Variants in PTPRD observed in about 807,000 individuals in gnomAD.
The protein encoded by PTPRD is receptor-type tyrosine-protein phosphatase delta.
PTPRD carries 34 observed loss-of-function variants against 214.5 expected under a neutral mutation model. The observed-to-expected ratio is 0.16, with a 90% confidence interval of 0.12 to 0.21. PTPRD has a LOEUF of 0.21. Among genes scored for constraint, PTPRD ranks in the 10% least tolerant of loss-of-function variants. The pLI, the probability that PTPRD is intolerant of heterozygous loss-of-function variation, is 1.00. For missense variants in PTPRD, 2,545 were observed against 2,398.7 expected, an observed-to-expected ratio of 1.06 and a Z score of -1.27; for synonymous variants, 1,128 against 845.7, an observed-to-expected ratio of 1.33 and a Z score of -5.79.
At chr9:9,075,745 C>CT (rs1345764299) in intron 10 of PTPRD, among the ~76,000 whole-genome samples, 3 of 152,072 alleles carry the variant, frequency 2.0e-5, no homozygotes, top group Non-Finnish European at 4.4e-5. Flanking sequence ...TGAACTCATC[C>CT]TTTTTTATGG....
At chr9:10,037,476 C>T (rs192524164) in intron 3 of PTPRD, among the ~76,000 whole-genome samples, 1 of 151,790 alleles carries the variant, frequency 6.6e-6, no homozygotes, top group African/African-American at 2.4e-5. Flanking sequence ...TAAAAGCTCC[C>T]TGAGGGCTCC....
At chr9:10,582,579 TATCTGGGATGACTAGCC>T (rs1194542488) in intron 2 of PTPRD, among the ~76,000 whole-genome samples, 1 of 152,210 alleles carries the variant, frequency 6.6e-6, no homozygotes, top group Non-Finnish European at 1.5e-5. Context: ...CTCTACTACA[TATCTGGGATGACTAGCC>T]ATCTAACCTT....
At chr9:9,740,796 G>A (rs1420698641) in intron 6 of PTPRD, among the ~76,000 whole-genome samples, 1 of 151,934 alleles carries the variant, frequency 6.6e-6, no homozygotes, top group African/African-American at 2.4e-5. Context: ...GTAAATTCTC[G>A]GGCTGTAAAC....
chr9:8,864,578 C>T (rs1050815925), intron 11 of PTPRD, among the ~76,000 whole-genome samples: 2 of 152,186 alleles, frequency 1.3e-5, no homozygotes, highest in South Asian at 4.1e-4. Flanking sequence ...AAGGTTCTTT[C>T]TAACAGGGTT....
chr9:9,611,336 G>A (rs2094501053), intron 7 of PTPRD, among the ~76,000 whole-genome samples: 1 of 152,058 alleles, frequency 6.6e-6, no homozygotes, highest in Non-Finnish European at 1.5e-5. Flanking sequence ...ATCTCCACCA[G>A]CAGTGAATGA....
chr9:10,139,540 T>C (rs1416992538), intron 3 of PTPRD, among the ~76,000 whole-genome samples: 1 of 151,964 alleles, frequency 6.6e-6, no homozygotes, highest in Non-Finnish European at 1.5e-5. Flanking sequence ...ATAAAATTCA[T>C]ATGGAACCAA....
intron 10 of PTPRD, among the ~76,000 whole-genome samples, chr9:9,106,983 C>T (rs1341533321): frequency 6.6e-6 from 1 of 152,168 alleles, no homozygotes; most frequent in East Asian, 1.9e-4. Flanking sequence ...CATTTTAAAA[C>T]TTCTAATCTG....
intron 2 of PTPRD, among the ~76,000 whole-genome samples, chr9:10,349,439 T>A (rs1286352621): frequency 2.6e-5 from 4 of 152,166 alleles, no homozygotes; most frequent in Non-Finnish European, 5.9e-5. Flanking sequence ...TGGCCTATGT[T>A]CCCATCTGTC....
At chr9:8,896,188 T>C (rs2154246894) in intron 11 of PTPRD, among the ~76,000 whole-genome samples, 1 of 152,338 alleles carries the variant, frequency 6.6e-6, no homozygotes, top group East Asian at 1.9e-4. Context: ...ATGCAGACTA[T>C]ATTGCACGGA....
intron 4 of PTPRD, among the ~76,000 whole-genome samples, chr9:9,943,241 CAA>C (rs2091944234): frequency 6.6e-6 from 1 of 152,134 alleles, no homozygotes; most frequent in Non-Finnish European, 1.5e-5. Context: ...CTAGTTGTTA[CAA>C]AAGATGGCCT....
chr9:8,720,591 T>C (rs908000600), intron 12 of PTPRD, among the ~76,000 whole-genome samples: 2 of 152,064 alleles, frequency 1.3e-5, no homozygotes, highest in South Asian at 2.1e-4. Context: ...TATAATCAAA[T>C]TGACAAATAA....
chr9:10,077,575 A>G (rs2098153933), intron 3 of PTPRD, among the ~76,000 whole-genome samples: 1 of 152,120 alleles, frequency 6.6e-6, no homozygotes, highest in East Asian at 1.9e-4. Flanking sequence ...GGTTTGGTGT[A>G]CAGATTATTT....
intron 7 of PTPRD, among the ~76,000 whole-genome samples, chr9:9,575,287 G>C (rs1357941648): frequency 6.6e-6 from 1 of 151,750 alleles, no homozygotes; most frequent in Non-Finnish European, 1.5e-5. Flanking sequence ...TAATTTTAAA[G>C]GCTGTACAGT....
chr9:9,010,152 G>A (rs1364096126), intron 11 of PTPRD, among the ~76,000 whole-genome samples: 3 of 152,090 alleles, frequency 2.0e-5, no homozygotes, highest in Non-Finnish European at 2.9e-5. Context: ...GCCAAAATCT[G>A]AACAAATTCA....
chr9:9,159,478 T>A (rs1425155557), intron 10 of PTPRD, among the ~76,000 whole-genome samples: 4 of 152,036 alleles, frequency 2.6e-5, no homozygotes, highest in African/African-American at 9.7e-5. Flanking sequence ...AACAACAAAA[T>A]ATGTAGGTGT....
intron 11 of PTPRD, among the ~76,000 whole-genome samples, chr9:8,872,770 C>T (rs2098324826): frequency 6.6e-6 from 1 of 152,146 alleles, no homozygotes; most frequent in Admixed American, 6.5e-5. Flanking sequence ...TCAGAAAGAA[C>T]AAATTTTTCA....
chr9:9,019,305 A>AAAGAAAGAAAGAAAGG (rs1569428499), intron 10 of PTPRD, among the ~76,000 whole-genome samples: 102 of 93,312 alleles, frequency 1.1e-3, no homozygotes, highest in African/African-American at 4.2e-3. Context: ...AGAAAGAAAG[A>AAAGAAAGAAAGAAAGG]AAGAAAGAAA....
chr9:8,485,122 C>T lies in PTPRD; in HGVS notation c.3153+105G>A, dbSNP rs1032360696. On this transcript the variant is annotated intron_variant, in intron 29 of 45. Transcript: ENST00000381196. Reference sequence around the variant, plus strand: ...GTCACAAATGAAAATAGCAAGGACACGTGGCCAAAACAAAGTGGTCTGCTT... The same window carrying T: ...GTCACAAATGAAAATAGCAAGGACATGTGGCCAAAACAAAGTGGTCTGCTT... The T allele has an allele frequency of 2.7e-5, 23 of 854,388 alleles. No individual in the cohort carries two copies. The Admixed American group carries it at 3.5e-4, about 13-fold the overall frequency. 52.9% of individuals were successfully genotyped at this position (854,388 alleles called of 1,614,324 possible). A position where few individuals can be genotyped will look rare whatever the true frequency, so the allele number is the denominator to read the frequency against.
chr9:10,119,004 A>G (rs1366782478), intron 3 of PTPRD, among the ~76,000 whole-genome samples: 1 of 151,800 alleles, frequency 6.6e-6, no homozygotes, highest in African/African-American at 2.4e-5. Context: ...CATTTAGAAA[A>G]TAGTAAAACA....
Sources: gnomAD v4.1 joint callset for allele counts (sites outside exome capture counted in the v4.1 genomes callset) on GRCh38, gnomAD v4.1.1 for gene constraint, MANE v1.5 for transcripts, NCBI Gene and HGNC (gene_info 2026-07-23, HGNC 2026-07-21) for gene names.